AXDND1: variants seen among roughly 807,000 people sequenced by gnomAD.
The protein encoded by AXDND1 is axonemal dynein light chain domain-containing protein 1.
In AXDND1, 110 loss-of-function variants were observed where a neutral mutation model predicts 137.5. The observed-to-expected ratio is 0.80, with a 90% CI of 0.69 to 0.94. The LOEUF (loss-of-function observed/expected upper bound fraction) is 0.94. Among genes scored for constraint, AXDND1 ranks in the 40% least tolerant of loss-of-function variants. AXDND1 has a pLI of 0.00. For missense variants in AXDND1, 1,191 were observed against 1,169.8 expected (o/e 1.02, Z -0.26); for synonymous variants, 414 against 399.7 (o/e 1.04, Z -0.43).
At chr1:179,500,807 G>T (rs1304616955) in intron 20 of AXDND1, among the ~76,000 whole-genome samples, 1 of 152,180 alleles carries the variant, frequency 6.6e-6, no homozygotes, top group East Asian at 1.9e-4. Context: ...GAGTAGCCGG[G>T]ATTACAGGCA....
chr1:179,535,941 T>C (rs557315085), intron 25 of AXDND1, among the ~76,000 whole-genome samples: 1 of 152,372 alleles, frequency 6.6e-6, no homozygotes, highest in South Asian at 2.1e-4. Context: ...TGGCCTCTCA[T>C]TGTGGTTTTG....
intron 21 of AXDND1, among the ~76,000 whole-genome samples, chr1:179,518,896 TA>T (rs1262197851): frequency 6.6e-6 from 1 of 152,210 alleles, no homozygotes; most frequent in Non-Finnish European, 1.5e-5. Context: ...TTCCTTCAGG[TA>T]TATACTTAGT....
intron 2 of AXDND1, among the ~76,000 whole-genome samples, chr1:179,368,353 C>G (rs891440499): frequency 2.6e-5 from 4 of 152,012 alleles, no homozygotes; most frequent in African/African-American, 9.7e-5. Context: ...ATAAATGCCT[C>G]GATTTAATGC....
At chr1:179,551,805 C>A (rs1290644382) in intron 25 of AXDND1, 1 of 286,208 alleles carries the variant, frequency 3.5e-6, no homozygotes. Context: ...ACCCCCAACT[C>A]AGGGAAAGTG....
At chr1:179,372,286 A>T (rs1467926907) in intron 4 of AXDND1, among the ~76,000 whole-genome samples, 6 of 152,256 alleles carry the variant, frequency 3.9e-5, no homozygotes, top group African/African-American at 1.4e-4. Context: ...TATTTTAAGC[A>T]GGAAAGAATC....
At chr1:179,472,438 T>A (rs1264399492) in intron 17 of AXDND1, among the ~76,000 whole-genome samples, 1 of 152,220 alleles carries the variant, frequency 6.6e-6, no homozygotes, top group East Asian at 1.9e-4. Context: ...CCTGGAGAAT[T>A]TTCCATGTAC....
intron 21 of AXDND1, among the ~76,000 whole-genome samples, chr1:179,519,198 G>C (rs1669827546): frequency 6.6e-6 from 1 of 152,166 alleles, no homozygotes; most frequent in Non-Finnish European, 1.5e-5. Flanking sequence ...TTTCAAAACT[G>C]TCTGTTCATG....
chr1:179,479,170 G>A (rs761222891), intron 17 of AXDND1, among the ~76,000 whole-genome samples: 60 of 152,124 alleles, frequency 3.9e-4, no homozygotes, highest in Middle Eastern at 6.8e-3. Context: ...CTTGAATGCT[G>A]TGATTCTTAG....
intron 6 of AXDND1, among the ~76,000 whole-genome samples, chr1:179,380,117 T>C (rs4421548): frequency 1 from 151,282 of 151,690 alleles, 75,442 homozygotes; most frequent in Middle Eastern, 1. Flanking sequence ...GGCGTGGTGG[T>C]GGGTGCCTGT....
intron 21 of AXDND1, among the ~76,000 whole-genome samples, chr1:179,510,203 T>C (rs1156839256): frequency 1.3e-5 from 2 of 152,230 alleles, no homozygotes; most frequent in South Asian, 4.1e-4. Flanking sequence ...TACCTATTAC[T>C]GTGTTTCCTG....
chr1:179,409,272 CACT>C (rs1429333891), intron 11 of AXDND1, among the ~76,000 whole-genome samples: 2 of 151,990 alleles, frequency 1.3e-5, no homozygotes, highest in Admixed American at 1.3e-4. Flanking sequence ...TGTATAGAAA[CACT>C]ACTGATTTTT....
At chr1:179,490,419 C>T (rs6674086) in intron 18 of AXDND1, among the ~76,000 whole-genome samples, 47,053 of 152,030 alleles carry the variant, frequency 0.31, 7,816 homozygotes, top group Middle Eastern at 0.42. Context: ...TCAGCAAATA[C>T]TGTCATGCAG....
In AXDND1 at chr1:179,479,248, G is replaced by A. The variant is rs186180388; in HGVS notation, c.1998-3880G>A. Among the ~76,000 whole-genome samples the A allele has an allele frequency of 3.0e-3, 455 of 152,028 alleles. 8 individuals are homozygous for A. Among genetic ancestry groups the A allele is most frequent in the Admixed American group, 0.027 (412 of 15,268 alleles). On this transcript the variant is annotated intron_variant, in intron 17 of 25. Coordinates refer to ENST00000367618, the MANE Select transcript of AXDND1 (RefSeq NM_144696.6). Reference sequence around the variant, plus strand: ...TCCCAGCACTTTGGGAGGCCAAGGCGGGTGGATCACTTGAAGTCAGGAGTT... The same window carrying A: ...TCCCAGCACTTTGGGAGGCCAAGGCAGGTGGATCACTTGAAGTCAGGAGTT...
At chr1:179,469,021 C>T (rs1424141572) in intron 17 of AXDND1, among the ~76,000 whole-genome samples, 8 of 152,100 alleles carry the variant, frequency 5.3e-5, no homozygotes, top group Non-Finnish European at 7.4e-5. Flanking sequence ...CCTCTACCTC[C>T]CGGGTTCAAG....
chr1:179,420,195 A>G (rs912682161), intron 12 of AXDND1, among the ~76,000 whole-genome samples: 2 of 152,242 alleles, frequency 1.3e-5, no homozygotes, highest in African/African-American at 4.8e-5. Context: ...TTCTATTGAA[A>G]TGATGCTATG....
intron 4 of AXDND1, among the ~76,000 whole-genome samples, chr1:179,372,161 C>T (rs1668096342): frequency 6.6e-6 from 1 of 152,130 alleles, no homozygotes; most frequent in Non-Finnish European, 1.5e-5. Flanking sequence ...GTCCAGCAAC[C>T]TCAATCACCC....
chr1:179,418,949 C>G (rs190056003), intron 12 of AXDND1, among the ~76,000 whole-genome samples: 1 of 151,338 alleles, frequency 6.6e-6, no homozygotes, highest in Non-Finnish European at 1.5e-5. Flanking sequence ...GGGTCGCCGC[C>G]GGGCAGAGGC....
chr1:179,464,932 A>T (rs1165495919), intron 16 of AXDND1, among the ~76,000 whole-genome samples: 3 of 152,080 alleles, frequency 2.0e-5, no homozygotes, highest in African/African-American at 7.2e-5. Context: ...TGCATGCATC[A>T]CGTAGTTCTT....
At chr1:179,536,392 G>A (rs1671563327) in intron 25 of AXDND1, among the ~76,000 whole-genome samples, 1 of 152,154 alleles carries the variant, frequency 6.6e-6, no homozygotes, top group Non-Finnish European at 1.5e-5. Context: ...TTTTGTATAA[G>A]GTGTAAGGAA....
Sources: gnomAD v4.1 joint callset for allele counts (sites outside exome capture counted in the v4.1 genomes callset) on GRCh38, gnomAD v4.1.1 for gene constraint, MANE v1.5 for transcripts, NCBI Gene and HGNC (gene_info 2026-07-23, HGNC 2026-07-21) for gene names.